The following MYO19 variants were observed in gnomAD, a reference collection of about 807,000 sequenced individuals.
The protein encoded by MYO19 is myosin XIX, also known as unconventional myosin-XIX.
A neutral mutation model predicts 129.2 loss-of-function variants in MYO19; 132 were observed. That is an observed-to-expected ratio of 1.02 (90% confidence interval 0.89 to 1.18). MYO19 has a LOEUF of 1.18. MYO19 is among the 50% of genes most tolerant of loss of function. The pLI is 0.00. For synonymous variants in MYO19, 531 were observed against 477.2 expected (o/e 1.11, Z -1.47); for missense variants, 1,210 against 1,216.7 (o/e 0.99, Z 0.08).
intron 19 of MYO19, chr17:36,504,523 G>C (rs1318666762): frequency 6.4e-6 from 1 of 157,142 alleles, no homozygotes; most frequent in African/African-American, 2.4e-5. Context: ...ACCTTCAGCA[G>C]TGCCCAGCAT....
At chr17:36,531,570 T>C (rs1419253337) in intron 3 of MYO19, among the ~76,000 whole-genome samples, 6 of 152,158 alleles carry the variant, frequency 3.9e-5, no homozygotes, top group Non-Finnish European at 7.3e-5. Flanking sequence ...CTTTATTCCA[T>C]TGTATTGATA....
intron 3 of MYO19, 58 bp from the exon 4 acceptor site, chr17:36,528,260 G>A (rs2073609666): frequency 6.6e-7 from 1 of 1,521,764 alleles, no homozygotes; most frequent in Non-Finnish European, 8.9e-7. Flanking sequence ...TATAATCCCA[G>A]CACTCTGGGA....
At chr17:36,516,216 C>G (rs2072737620) in intron 6 of MYO19, among the ~76,000 whole-genome samples, 1 of 151,596 alleles carries the variant, frequency 6.6e-6, no homozygotes, top group Non-Finnish European at 1.5e-5. Context: ...AGACACTGAG[C>G]TATCGAGGCT....
intron 9 of MYO19, 29 bp downstream of exon 9, chr17:36,514,417 G>T: frequency 7.1e-7 from 1 of 1,410,892 alleles, no homozygotes; most frequent in Non-Finnish European, 1.0e-6. Context: ...TCTCGCATCT[G>T]GGGGGCTGTG....
chr17:36,516,793 T>A (rs894115603), intron 6 of MYO19, among the ~76,000 whole-genome samples: 3 of 152,270 alleles, frequency 2.0e-5, no homozygotes, highest in African/African-American at 7.2e-5. Context: ...ATTGACCTTG[T>A]ATCCTATCAC....
chr17:36,529,567 A>T (rs2073700456), intron 3 of MYO19, among the ~76,000 whole-genome samples: 1 of 152,186 alleles, frequency 6.6e-6, no homozygotes, highest in African/African-American at 2.4e-5. Context: ...GAGGCCCAGT[A>T]ATGCATTTCT....
At chr17:36,520,445 C>T (rs1301950221) in intron 6 of MYO19, among the ~76,000 whole-genome samples, 1 of 152,188 alleles carries the variant, frequency 6.6e-6, no homozygotes, top group African/African-American at 2.4e-5. Flanking sequence ...CCTCTCTCTA[C>T]TCCTAGGACA....
intron 6 of MYO19, among the ~76,000 whole-genome samples, chr17:36,520,123 T>A (rs1287002269): frequency 3.3e-5 from 5 of 151,984 alleles, no homozygotes; most frequent in African/African-American, 9.7e-5. Context: ...TTCAGGCACC[T>A]ACCACCATGC....
intron 6 of MYO19, among the ~76,000 whole-genome samples, chr17:36,518,371 T>C (rs1174459698): frequency 6.6e-6 from 1 of 150,516 alleles, no homozygotes; most frequent in Non-Finnish European, 1.5e-5. Context: ...GGCATGCACC[T>C]GTAATCCCAG....
intron 6 of MYO19, among the ~76,000 whole-genome samples, chr17:36,516,729 A>AT (rs1257891631): frequency 6.6e-6 from 1 of 152,200 alleles, no homozygotes; most frequent in Non-Finnish European, 1.5e-5. Context: ...GTATACTTTC[A>AT]TTTTAACTTC....
chr17:36,537,757 TTA>T, upstream of MYO19: 1 of 1,614,176 alleles, frequency 6.2e-7, no homozygotes, highest in East Asian at 2.2e-5. Flanking sequence ...CGATTAGCCA[TTA>T]TAAAATCAAT....
chr17:36,497,589 C>CTT (rs746721426), intron 25 of MYO19: 853 of 810,826 alleles, frequency 1.1e-3, no homozygotes, highest in South Asian at 1.2e-3. Context: ...CTAAACCAAA[C>CTT]TTTTTTTTTT....
rs929888819 is a variant in MYO19 at position 36,532,499 on chromosome 17, C to T, written c.12+28G>A. On this transcript the variant is annotated intron_variant, in intron 3 of 25. Transcript: ENST00000614623. ...AACAGATGCTGCAGGTGCTTGAGGG[C>T]CTGGGTTATCTAAGGTTGAGGTTTT... is the stretch of plus-strand genomic sequence containing the variant. 10 of 1,553,524 alleles carry T rather than the reference C, an allele frequency of 6.4e-6. No homozygotes were observed. In the African/African-American group the frequency reaches 6.8e-5, roughly 11 times the overall value.
chr17:36,503,661 C>T (rs1260562782), intron 20 of MYO19, among the ~76,000 whole-genome samples: 1 of 152,272 alleles, frequency 6.6e-6, no homozygotes, highest in Non-Finnish European at 1.5e-5. Context: ...CACCTGATAT[C>T]TGCACTTCCT....
At chr17:36,536,911 A>C (rs1258884310), upstream of MYO19, among the ~76,000 whole-genome samples, 1 of 152,198 alleles carries the variant, frequency 6.6e-6, no homozygotes, top group Non-Finnish European at 1.5e-5. Flanking sequence ...TTCTATCTGA[A>C]CACATTAGTG....
upstream of MYO19, among the ~76,000 whole-genome samples, chr17:36,535,806 T>C (rs535416706): frequency 6.6e-6 from 1 of 151,418 alleles, no homozygotes; most frequent in East Asian, 1.9e-4. Context: ...ACCACCACGC[T>C]CAGCTAATTT....
rs771517400 is a variant in MYO19, at chr17:36,527,665, G to A, written c.186C>T (p.Asp62=). The change falls in exon 5 of 26, where the codon GAC becomes GAT. Residue 62 remains aspartate, a synonymous_variant. Coordinates refer to ENST00000614623, the MANE Select transcript of MYO19 (RefSeq NM_001163735.2). ...TGCAGCCAGCATTGGTGTAGAATGT[G>A]TCTGCCATGTACCGGGCCTGCAGGC... ...LRCLQARYMA[D]TFYTNAGCTL... is the part of the protein sequence containing the mutation. 2.5e-6 allele frequency: 4 copies of A among 1,613,800 alleles called. No individual in the cohort carries two copies. Among genetic ancestry groups the A allele is most frequent in the East Asian group, 2.2e-5 (1 of 44,904 alleles).
At position 36,495,716 on chromosome 17, in the gene MYO19, C is replaced by T; in HGVS notation, c.*535G>A. The stretch of plus-strand genomic sequence containing the variant: ...AGCTTACACTTCATATGGAGTTAAA[C>T]TTGGTCAGTGTTAATAAAATCAAAA... On this transcript the variant is annotated 3_prime_UTR_variant, in exon 26 of 26. Transcript: ENST00000614623. 1.6e-6 allele frequency: 2 copies of T among 1,251,342 alleles called. No individual in the cohort carries two copies. The highest frequency in any genetic ancestry group is 3.8e-5 in the South Asian group (1 of 26,342). The allele number at this position is 1,251,342 out of a possible 1,614,324, so 77.5% of individuals were successfully genotyped here.
Position 36,506,588 on chromosome 17 carries a change from C to T in MYO19, c.1665G>A (p.Leu555=). The T allele has an allele frequency of 6.4e-7, 1 of 1,552,150 alleles. No homozygotes were observed. Among genetic ancestry groups the T allele is most frequent in the Non-Finnish European group, 8.7e-7 (1 of 1,155,094 alleles). ...EKNKDPIPPE[L]TRLLQQSQDP... ...CCTGGGATTGCTGCAGGAGCCTGGT[C>T]AGCTCAGGTGGGATAGGGTCCTATT... Residue 555 remains leucine, a synonymous_variant, in exon 18 of 26, where the codon CTG becomes CTA. Coordinates refer to ENST00000614623, the MANE Select transcript of MYO19 (RefSeq NM_001163735.2).
Sources: gnomAD v4.1 joint callset for allele counts (sites outside exome capture counted in the v4.1 genomes callset) on GRCh38, gnomAD v4.1.1 for gene constraint, MANE v1.5 for transcripts, NCBI Gene and HGNC (gene_info 2026-07-23, HGNC 2026-07-21) for gene names.